The following GMDS variants were observed in gnomAD, a reference collection of about 807,000 sequenced individuals.
GMDS encodes GDP-mannose 4,6-dehydratase, also known as GDP-mannose 4,6 dehydratase.
Under a neutral mutation model 49.9 loss-of-function variants are expected in GMDS, and 20 were observed. That is an observed-to-expected ratio of 0.40 (90% CI 0.28 to 0.58). The LOEUF (loss-of-function observed/expected upper bound fraction) is 0.58. GMDS is among the 20% of genes least tolerant of loss of function. The probability of loss-of-function intolerance (pLI) is 0.42; values close to 1 mark genes in which losing one functional copy is unlikely to be tolerated. For missense variants in GMDS, 362 were observed against 481.4 expected, an observed-to-expected ratio of 0.75 and a Z score of 2.32; for synonymous variants, 177 against 178.6, an observed-to-expected ratio of 0.99 and a Z score of 0.07.
intron 8 of GMDS, among the ~76,000 whole-genome samples, chr6:1,737,757 C>CAT (rs200844114): frequency 1.1e-4 from 8 of 70,436 alleles, no homozygotes; most frequent in African/African-American, 2.2e-4. Context: ...TACACATACA[C>CAT]ACACACCACA....
intron 4 of GMDS, among the ~76,000 whole-genome samples, chr6:1,971,680 T>C (rs1001256539): frequency 6.6e-6 from 1 of 152,196 alleles, no homozygotes; most frequent in Non-Finnish European, 1.5e-5. Flanking sequence ...ACACTGCTTC[T>C]GTCTGTCCGT....
At chr6:1,780,664 G>A (rs559493613) in intron 7 of GMDS, among the ~76,000 whole-genome samples, 5 of 152,202 alleles carry the variant, frequency 3.3e-5, no homozygotes, top group Admixed American at 6.5e-5. Context: ...TCCTCTGCCC[G>A]TCTCCTGCCC....
intron 1 of GMDS, among the ~76,000 whole-genome samples, chr6:2,183,976 C>T (rs957323284): frequency 6.6e-6 from 1 of 152,140 alleles, no homozygotes; most frequent in South Asian, 2.1e-4. Context: ...AACATATATG[C>T]ACAACATAAC....
At position 1,864,901 on chromosome 6, in the gene GMDS, T is replaced by C. The variant is rs1176671900; in HGVS notation, c.771+65202A>G. Among the ~76,000 whole-genome samples the C allele has an allele frequency of 2.6e-5, 4 of 152,224 alleles. No homozygotes were observed. The East Asian group carries it at 7.7e-4, about 29-fold the overall frequency. Reference sequence around the variant, plus strand: ...ATATGATACCTTGAGTTTACAACAGTGTAAGATGTTAAAAATAGTTTTGAA... The same window carrying C: ...ATATGATACCTTGAGTTTACAACAGCGTAAGATGTTAAAAATAGTTTTGAA... On this transcript the variant is annotated intron_variant, in intron 7 of 10. Coordinates refer to ENST00000380815, the MANE Select transcript of GMDS (RefSeq NM_001500.4).
At chr6:1,892,141 A>G (rs1048342530) in intron 7 of GMDS, among the ~76,000 whole-genome samples, 1 of 152,196 alleles carries the variant, frequency 6.6e-6, no homozygotes, top group African/African-American at 2.4e-5. Flanking sequence ...ACCTATTATT[A>G]AAGTATGTTC....
At chr6:2,219,197 T>C (rs139986643) in intron 1 of GMDS, among the ~76,000 whole-genome samples, 4 of 152,318 alleles carry the variant, frequency 2.6e-5, no homozygotes, top group Admixed American at 2.6e-4. Context: ...TGAATACCCA[T>C]TTGCATCTTT....
chr6:2,053,976 GAAAGCATTCTAATTCCTATAAAAA>G (rs1770635620), intron 4 of GMDS, among the ~76,000 whole-genome samples: 6 of 151,946 alleles, frequency 3.9e-5, no homozygotes. Flanking sequence ...ATATATAAAA[GAAAGCATTCTAATTCCTATAAAAA>G]CCACATCAAA....
chr6:1,930,015 T>A (rs943361407), intron 7 of GMDS, 88 bp downstream of exon 7: 2 of 1,221,364 alleles, frequency 1.6e-6, no homozygotes, highest in South Asian at 2.9e-5. Context: ...TGCCCCCACC[T>A]CTAGGTCACA....
intron 9 of GMDS, among the ~76,000 whole-genome samples, chr6:1,710,550 A>G (rs528675705): frequency 1.3e-5 from 2 of 152,258 alleles, no homozygotes; most frequent in East Asian, 3.9e-4. Flanking sequence ...AAAAACAACC[A>G]AAACACACGT....
At chr6:2,153,416 G>C (rs747744997) in intron 1 of GMDS, among the ~76,000 whole-genome samples, 10 of 152,058 alleles carry the variant, frequency 6.6e-5, no homozygotes, top group Non-Finnish European at 1.0e-4. Flanking sequence ...TGACAAACTG[G>C]AGGGAAAAAA....
At chr6:1,812,648 C>T (rs1382063658) in intron 7 of GMDS, among the ~76,000 whole-genome samples, 5 of 152,050 alleles carry the variant, frequency 3.3e-5, no homozygotes, top group Non-Finnish European at 2.9e-5. Context: ...GATTCCAGTT[C>T]CCAAACCCCC....
intron 7 of GMDS, among the ~76,000 whole-genome samples, chr6:1,767,179 G>A (rs548484115): frequency 2.0e-5 from 3 of 152,060 alleles, no homozygotes; most frequent in East Asian, 3.9e-4. Flanking sequence ...TTTTAAAACC[G>A]GAAACATATT....
intron 7 of GMDS, among the ~76,000 whole-genome samples, chr6:1,846,992 C>T (rs1236560627): frequency 6.6e-6 from 1 of 152,158 alleles, no homozygotes; most frequent in Non-Finnish European, 1.5e-5. Flanking sequence ...TCATGCTTGA[C>T]CTTTCAGATG....
chr6:1,738,136 TACAC>T lies in GMDS; in HGVS notation c.890+4328_890+4331del, dbSNP rs202212298. Among the ~76,000 whole-genome samples the T allele has an allele frequency of 6.8e-3, 736 of 108,430 alleles. 8 individuals carry two copies. Among genetic ancestry groups the T allele is most frequent in the African/African-American group, 0.025 (678 of 26,726 alleles). 71.1% of individuals were successfully genotyped at this position (108,430 alleles called of 152,430 possible). ...CACACACCACACACCCATACACACA[TACAC>T]ACACAGATACACATACACACACACA... On this transcript the variant is annotated intron_variant, in intron 8 of 10. Transcript: ENST00000380815.
chr6:1,668,035 G>A (rs1408546798), intron 9 of GMDS, among the ~76,000 whole-genome samples: 6 of 152,204 alleles, frequency 3.9e-5, no homozygotes, highest in South Asian at 2.1e-4. Flanking sequence ...GGGAGTGATC[G>A]TACCTGGCTA....
chr6:1,623,884 C>A lies in GMDS; in HGVS notation c.*285G>T, dbSNP rs1172231551. On this transcript the variant is annotated 3_prime_UTR_variant, in exon 11 of 11. Coordinates refer to ENST00000380815, the MANE Select transcript of GMDS (RefSeq NM_001500.4). ...GGCCCCACAATTTGTTGTGTAACAA[C>A]ATAATTTCAAGTAAAGTGAATGTGA... is the stretch of plus-strand genomic sequence containing the variant. The A allele has an allele frequency of 6.8e-6, 3 of 442,672 alleles. No homozygotes were observed. Among genetic ancestry groups the A allele is most frequent in the Non-Finnish European group, 8.0e-6 (2 of 250,720 alleles). 27.4% of individuals were successfully genotyped at this position (442,672 alleles called of 1,614,324 possible).
chr6:1,887,724 C>T (rs1200912773), intron 7 of GMDS, among the ~76,000 whole-genome samples: 1 of 152,160 alleles, frequency 6.6e-6, no homozygotes, highest in African/African-American at 2.4e-5. Flanking sequence ...AAAACTACTC[C>T]ATACAGGTAT....
intron 9 of GMDS, among the ~76,000 whole-genome samples, chr6:1,677,388 C>A (rs971298370): frequency 6.6e-6 from 1 of 152,104 alleles, no homozygotes. Flanking sequence ...GACAGTGTGG[C>A]GATTCCTCAG....
At chr6:2,111,838 A>G (rs1189447353) in intron 4 of GMDS, among the ~76,000 whole-genome samples, 1 of 152,278 alleles carries the variant, frequency 6.6e-6, no homozygotes, top group Non-Finnish European at 1.5e-5. Flanking sequence ...TGATTAATAT[A>G]GAGAAATTAA....
Sources: gnomAD v4.1 joint callset for allele counts (sites outside exome capture counted in the v4.1 genomes callset) on GRCh38, gnomAD v4.1.1 for gene constraint, MANE v1.5 for transcripts, NCBI Gene and HGNC (gene_info 2026-07-23, HGNC 2026-07-21) for gene names.